Variants in FAM162A observed in about 807,000 individuals in gnomAD.
FAM162A encodes the protein protein FAM162A.
A neutral mutation model predicts 21.8 loss-of-function variants in FAM162A; 23 were observed. That is an observed-to-expected ratio of 1.05 (90% CI 0.76 to 1.49). The LOEUF is 1.49. Among genes scored for constraint, FAM162A ranks in the 40% most tolerant of loss-of-function variants. FAM162A has a pLI of 0.00. For synonymous variants in FAM162A, 53 were observed against 61.3 expected (o/e 0.86, Z 0.64); for missense variants, 165 against 186.4 (o/e 0.89, Z 0.67).
chr3:122,408,747 A>G (rs1174595462), intron 4 of FAM162A, among the ~76,000 whole-genome samples: 1 of 152,042 alleles, frequency 6.6e-6, no homozygotes, highest in Non-Finnish European at 1.5e-5. Flanking sequence ...GCTTTTGTAT[A>G]CTCGATTGTA....
chr3:122,403,029 A>C, intron 2 of FAM162A, 147 bp downstream of exon 2: 2 of 928,808 alleles, frequency 2.2e-6, no homozygotes, highest in Non-Finnish European at 3.1e-6. Context: ...GTGCATGTGC[A>C]CATGACCAAT....
intron 1 of FAM162A, among the ~76,000 whole-genome samples, chr3:122,398,164 T>A (rs1219428516): frequency 6.6e-6 from 1 of 152,192 alleles, no homozygotes; most frequent in Non-Finnish European, 1.5e-5. Context: ...AGGGAAAGAA[T>A]CCAGCATTTA....
At chr3:122,390,231 C>T (rs1329312732) in intron 1 of FAM162A, among the ~76,000 whole-genome samples, 5 of 152,202 alleles carry the variant, frequency 3.3e-5, no homozygotes, top group South Asian at 2.1e-4. Context: ...AAGTTTGGTA[C>T]GACATCCCTC....
At chr3:122,405,244 C>T (rs2075671690) in intron 3 of FAM162A, among the ~76,000 whole-genome samples, 1 of 152,194 alleles carries the variant, frequency 6.6e-6, no homozygotes, top group Non-Finnish European at 1.5e-5. Flanking sequence ...AGTTCCCTGT[C>T]AGCAAGAAAC....
chr3:122,401,172 T>C (rs1307134703), intron 1 of FAM162A, among the ~76,000 whole-genome samples: 1 of 152,190 alleles, frequency 6.6e-6, no homozygotes, highest in Non-Finnish European at 1.5e-5. Context: ...TTTTTTCTTA[T>C]TATTATATGT....
chr3:122,398,117 A>G (rs761353845), intron 1 of FAM162A, among the ~76,000 whole-genome samples: 1 of 152,254 alleles, frequency 6.6e-6, no homozygotes, highest in African/African-American at 2.4e-5. Context: ...AGGAAGTGCA[A>G]GAAAACCAAT....
chr3:122,396,389 T>G (rs1391867302), intron 1 of FAM162A, among the ~76,000 whole-genome samples: 1 of 152,154 alleles, frequency 6.6e-6, no homozygotes, highest in African/African-American at 2.4e-5. Flanking sequence ...GGCCAATTAG[T>G]ACATGAAAAG....
intron 1 of FAM162A, among the ~76,000 whole-genome samples, chr3:122,399,941 T>C (rs1403551589): frequency 1.3e-5 from 2 of 152,104 alleles, no homozygotes; most frequent in Non-Finnish European, 2.9e-5. Context: ...CCGTCTCTAC[T>C]AAAAATACAG....
chr3:122,384,404 C>G, intron 1 of FAM162A, 105 bp downstream of exon 1: 3 of 1,330,864 alleles, frequency 2.3e-6, no homozygotes, highest in Non-Finnish European at 3.1e-6. Flanking sequence ...CATTCCATGA[C>G]GCACTTTCTC....
chr3:122,407,617 C>G (rs554244526), intron 4 of FAM162A: 4 of 503,394 alleles, frequency 7.9e-6, no homozygotes, highest in African/African-American at 3.8e-5. Context: ...GGACTAGATT[C>G]ATTTTGTGTA....
chr3:122,391,648 T>A (rs1020724788), intron 1 of FAM162A, among the ~76,000 whole-genome samples: 1 of 152,246 alleles, frequency 6.6e-6, no homozygotes, highest in Non-Finnish European at 1.5e-5. Context: ...ACTACCTCAG[T>A]ACCTCTCTCA....
At chr3:122,406,154 T>C (rs2075675726) in intron 3 of FAM162A, among the ~76,000 whole-genome samples, 1 of 152,170 alleles carries the variant, frequency 6.6e-6, no homozygotes, top group Non-Finnish European at 1.5e-5. Context: ...TTCAATCCCA[T>C]CATCTAGAGA....
chr3:122,394,654 G>A (rs2075619171), intron 1 of FAM162A, among the ~76,000 whole-genome samples: 1 of 152,122 alleles, frequency 6.6e-6, no homozygotes, highest in South Asian at 2.1e-4. Context: ...AAAACTTCCT[G>A]CAAAGAAAAA....
intron 1 of FAM162A, among the ~76,000 whole-genome samples, chr3:122,398,144 T>G (rs1214800156): frequency 1.3e-5 from 2 of 152,166 alleles, no homozygotes; most frequent in African/African-American, 4.8e-5. Context: ...ATTTTAAAAC[T>G]GGCAAATAAA....
chr3:122,406,419 C>G (rs73188390), intron 3 of FAM162A, among the ~76,000 whole-genome samples: 3,390 of 152,288 alleles, frequency 0.022, 79 homozygotes, highest in South Asian at 0.1. Context: ...AAAAATAGAA[C>G]CATGACTCAC....
intron 1 of FAM162A, among the ~76,000 whole-genome samples, chr3:122,398,763 GATC>G (rs2075640285): frequency 6.6e-6 from 1 of 152,106 alleles, no homozygotes; most frequent in Admixed American, 6.5e-5. Context: ...AATAGGATTT[GATC>G]ATAATATACT....
chr3:122,387,887 G>A (rs55707924), intron 1 of FAM162A, among the ~76,000 whole-genome samples: 2,829 of 152,130 alleles, frequency 0.019, 55 homozygotes, highest in South Asian at 0.088. Flanking sequence ...GTGAGCACAT[G>A]TAGGGGCGGT....
chr3:122,384,549 G>A (rs903795814), intron 1 of FAM162A, among the ~76,000 whole-genome samples: 5 of 151,968 alleles, frequency 3.3e-5, no homozygotes, highest in Admixed American at 2.6e-4. Context: ...AACTGCCCAC[G>A]CGCCTACCCT....
chr3:122,393,935 C>T (rs895190552), intron 1 of FAM162A, among the ~76,000 whole-genome samples: 3 of 152,134 alleles, frequency 2.0e-5, no homozygotes, highest in Non-Finnish European at 2.9e-5. Flanking sequence ...GAAATACCTA[C>T]GACTAGGTAA....
Sources: allele counts gnomAD v4.1 joint callset (sites outside exome capture counted in the v4.1 genomes callset), GRCh38; gene constraint gnomAD v4.1.1; transcripts MANE v1.5; gene names NCBI Gene and HGNC (gene_info 2026-07-23, HGNC 2026-07-21).